The following ZNF717 variants were observed in gnomAD, a reference collection of about 807,000 sequenced individuals.
ZNF717 encodes zinc finger protein 717, also known as krueppel-like factor X17.
In ZNF717, 9 loss-of-function variants were observed where a neutral mutation model predicts 13.8. That is an observed-to-expected ratio of 0.65 (90% CI 0.39 to 1.14). The LOEUF is 1.14. Among genes scored for constraint, ZNF717 ranks in the 50% most tolerant of loss-of-function variants. ZNF717 has a pLI of 0.01. For synonymous variants in ZNF717, 327 were observed against 364.1 expected (o/e 0.90, Z 1.16); for missense variants, 1,040 against 1,080.7 (o/e 0.96, Z 0.53).
chr3:75,721,538 C>T (rs1392504462), intron 4 of ZNF717, among the ~76,000 whole-genome samples: 1 of 152,232 alleles, frequency 6.6e-6, no homozygotes, highest in African/African-American at 2.4e-5. Flanking sequence ...GCCTCAGCCT[C>T]CCAAAGTGCT....
intron 4 of ZNF717, among the ~76,000 whole-genome samples, chr3:75,718,208 G>A (rs1204323582): frequency 7.9e-5 from 12 of 152,174 alleles, no homozygotes; most frequent in Non-Finnish European, 7.3e-5. Flanking sequence ...AGGCTTTTCT[G>A]CGGTGGGGAA....
chr3:75,750,074 C>T (rs1575824183), intron 2 of ZNF717, among the ~76,000 whole-genome samples: 1 of 151,536 alleles, frequency 6.6e-6, no homozygotes, highest in African/African-American at 2.4e-5. Context: ...AATGTTTGTC[C>T]CTCACATAGG....
chr3:75,768,477 A>T (rs1290565452), intron 2 of ZNF717, among the ~76,000 whole-genome samples: 1 of 136,774 alleles, frequency 7.3e-6, no homozygotes, highest in East Asian at 2.3e-4. Context: ...ACTGTGGTTG[A>T]GTGTGTGCGG....
chr3:75,737,780 C>G lies in ZNF717; in HGVS notation c.1843G>C (p.Gly615Arg). Reference protein sequence around the residue: ...NLGIHKRTHTGERPYECNECG... With the variant: ...NLGIHKRTHTRERPYECNECG... ...TCATTACATTCATAGGGTCTTTCCCCTGTGTGAGTTCTCTTGTGTATCCCA... is the reference window on the plus strand; with the variant it reads ...TCATTACATTCATAGGGTCTTTCCCGTGTGTGAGTTCTCTTGTGTATCCCA... Residue 615 changes from glycine to arginine, a missense_variant, in exon 5 of 5, where the codon GGG becomes CGG. Gly to Arg is a moderately radical substitution (Grantham distance 125, BLOSUM62 -2). Coordinates refer to ENST00000652011, the MANE Select transcript of ZNF717 (RefSeq NM_001290208.3). The G allele has an allele frequency of 2.6e-6, 4 of 1,551,006 alleles. No individual in the cohort carries two copies. Among genetic ancestry groups the G allele is most frequent in the Non-Finnish European group, 3.5e-6 (4 of 1,146,322 alleles).
In ZNF717 at chr3:75,775,835, G is replaced by C. The variant is rs559488185; in HGVS notation, c.57+7471C>G. 4.1e-4 allele frequency among the ~76,000 whole-genome samples: 60 copies of C among 144,920 alleles called. 1 individual carries two copies. Among genetic ancestry groups the C allele is most frequent in the African/African-American group, 1.6e-3 (59 of 37,920 alleles). ...CCACTGCACTACAGCCTAGGTAACA[G>C]AGTGAGACTCTGTCTCAAAAAAAAA... On this transcript the variant is annotated intron_variant, in intron 2 of 4. Coordinates refer to ENST00000652011, the MANE Select transcript of ZNF717 (RefSeq NM_001290208.3).
intron 2 of ZNF717, chr3:75,741,955 G>T: frequency 1.8e-6 from 1 of 564,964 alleles, no homozygotes; most frequent in Non-Finnish European, 3.1e-6. Flanking sequence ...TCTTTGGTGT[G>T]TCCATGTGTC....
chr3:75,719,208 T>C (rs1230201785), intron 4 of ZNF717, among the ~76,000 whole-genome samples: 10 of 151,502 alleles, frequency 6.6e-5, no homozygotes, highest in Non-Finnish European at 8.8e-5. Flanking sequence ...GGTGGGAGGA[T>C]TGCTTGAGCT....
At chr3:75,763,345 C>A (rs567729602) in intron 2 of ZNF717, among the ~76,000 whole-genome samples, 1 of 152,330 alleles carries the variant, frequency 6.6e-6, no homozygotes, top group South Asian at 2.1e-4. Flanking sequence ...TTGAGCATCT[C>A]AAATTCAAAC....
intron 2 of ZNF717, among the ~76,000 whole-genome samples, chr3:75,755,653 A>T (rs7429321): frequency 2.2e-3 from 292 of 133,766 alleles, no homozygotes; most frequent in African/African-American, 6.6e-3. Context: ...ATAGTGTTAT[A>T]TGAAAGTGGA....
At chr3:75,708,407 C>T (rs1937850480), downstream of ZNF717, among the ~76,000 whole-genome samples, 1 of 151,984 alleles carries the variant, frequency 6.6e-6, no homozygotes, top group African/African-American at 2.4e-5. Context: ...GCTGAGAGTC[C>T]TGCCTGTTAG....
At chr3:75,776,557 T>A (rs1575976296) in intron 2 of ZNF717, among the ~76,000 whole-genome samples, 1 of 152,234 alleles carries the variant, frequency 6.6e-6, no homozygotes, top group Admixed American at 6.5e-5. Context: ...CAATCTAGAA[T>A]CTGATGACTG....
At position 75,738,772 on chromosome 3, in the gene ZNF717, T is replaced by G; in HGVS notation, c.851A>C (p.Glu284Ala). 1 of 1,553,164 alleles carries G rather than the reference T, an allele frequency of 6.4e-7. No homozygotes were observed. Among genetic ancestry groups the G allele is most frequent in the South Asian group, 1.2e-5 (1 of 84,110 alleles). ...GGAGGGTTTCTCACATTCAACACAT[T>G]CATAGGGTTTCTCTCCTGTGTGTGT... ...QQTHTGEKPYECVECEKPSIS... is the reference protein window; with the variant it reads ...QQTHTGEKPYACVECEKPSIS... The change falls in exon 5 of 5, where the codon GAA (glutamate) becomes GCA (alanine). Residue 284 changes from glutamate to alanine, a missense_variant. Physicochemically the swap from Glu to Ala is moderately radical, Grantham distance 107. Around this residue, in one of 3 missense-constraint regions of ZNF717, gnomAD observed 873 missense variants for 832.8 expected, o/e 1.05. Coordinates refer to ENST00000652011, the MANE Select transcript of ZNF717 (RefSeq NM_001290208.3).
At chr3:75,757,578 C>G (rs1407768066) in intron 2 of ZNF717, among the ~76,000 whole-genome samples, 2 of 152,142 alleles carry the variant, frequency 1.3e-5, no homozygotes, top group Non-Finnish European at 2.9e-5. Flanking sequence ...GTATAAAGAG[C>G]TGAATATTGT....
At chr3:75,713,257 C>T (rs1279551636) in intron 5 of ZNF717, among the ~76,000 whole-genome samples, 1 of 152,008 alleles carries the variant, frequency 6.6e-6, no homozygotes, top group Admixed American at 6.6e-5. Flanking sequence ...CTCAAGCAAT[C>T]CTCCCACCTC....
At chr3:75,733,168 C>CT (rs1474152708), downstream of ZNF717, among the ~76,000 whole-genome samples, 1 of 152,100 alleles carries the variant, frequency 6.6e-6, no homozygotes, top group Non-Finnish European at 1.5e-5. Flanking sequence ...TTGAAAGAAA[C>CT]TTTAAAAACT....
Position 75,739,002 on chromosome 3 carries a change from C to G in ZNF717, c.621G>C (p.Gln207His), listed in dbSNP as rs749166992. Residue 207 changes from glutamine to histidine, a missense_variant, in exon 5 of 5, where the codon CAG becomes CAC. Gln to His is a conservative substitution (Grantham distance 24). Coordinates refer to ENST00000652011, the MANE Select transcript of ZNF717 (RefSeq NM_001290208.3). ...TQHHKIQTLLQTFQCNEQGKT... is the reference protein window; with the variant it reads ...TQHHKIQTLLHTFQCNEQGKT... Reference sequence around the variant, plus strand: ...TCCCTTGTTCATTACATTGAAAAGTCTGCAGCAGAGTTTGAATCTTGTGAT... The same window carrying G: ...TCCCTTGTTCATTACATTGAAAAGTGTGCAGCAGAGTTTGAATCTTGTGAT... The G allele has an allele frequency of 4.3e-5, 67 of 1,551,470 alleles. No individual in the cohort carries two copies. The highest frequency in any genetic ancestry group is 5.6e-5 in the Non-Finnish European group (64 of 1,146,948).
chr3:75,747,473 T>C (rs1230359622), intron 2 of ZNF717, among the ~76,000 whole-genome samples: 3 of 152,194 alleles, frequency 2.0e-5, no homozygotes, highest in Admixed American at 6.5e-5. Flanking sequence ...TTCACAATAT[T>C]GATTCTTCCT....
chr3:75,706,637 C>T (rs75553951), downstream of ZNF717, among the ~76,000 whole-genome samples: 1 of 152,430 alleles, frequency 6.6e-6, no homozygotes, highest in Admixed American at 6.5e-5. Context: ...GAAGGAAATG[C>T]ACTGTGCTTC....
intron 2 of ZNF717, among the ~76,000 whole-genome samples, chr3:75,765,154 T>A (rs2107594254): frequency 6.6e-6 from 1 of 151,586 alleles, no homozygotes; most frequent in East Asian, 2.0e-4. Flanking sequence ...ACAACAAATA[T>A]TATATAACCC....
Sources: gnomAD v4.1 joint callset for allele counts (sites outside exome capture counted in the v4.1 genomes callset) on GRCh38, gnomAD v4.1.1 for gene constraint, gnomAD v4.1.1 regional missense constraint, MANE v1.5 for transcripts, NCBI Gene and HGNC (gene_info 2026-07-23, HGNC 2026-07-21) for gene names.